The following SPIDR variants were observed in gnomAD, a reference collection of about 807,000 sequenced individuals.
The protein encoded by SPIDR is DNA repair-scaffolding protein.
SPIDR carries 93 observed loss-of-function variants against 104.6 expected under a neutral mutation model. That is an observed-to-expected ratio of 0.89 (90% confidence interval 0.75 to 1.06). The LOEUF (loss-of-function observed/expected upper bound fraction) is 1.06, where lower values mean the gene tolerates loss of function less well. Among genes scored for constraint, SPIDR ranks in the 50% least tolerant of loss-of-function variants. SPIDR has a pLI of 0.00. For synonymous variants in SPIDR, 431 were observed against 416.9 expected, an observed-to-expected ratio of 1.03 and a Z score of -0.41; for missense variants, 1,154 against 1,111.2, an observed-to-expected ratio of 1.04 and a Z score of -0.55.
At chr8:47,347,431 T>G (rs187108916) in intron 5 of SPIDR, among the ~76,000 whole-genome samples, 4,776 of 152,252 alleles carry the variant, frequency 0.031, 210 homozygotes, top group African/African-American at 0.1. Context: ...CTGTTGATTT[T>G]GGGTGGAGAG....
chr8:47,622,920 C>T (rs981848026), intron 10 of SPIDR, among the ~76,000 whole-genome samples: 2 of 152,070 alleles, frequency 1.3e-5, no homozygotes, highest in African/African-American at 4.8e-5. Context: ...AGTAGAAAAA[C>T]ACTTGTGAGT....
chr8:47,278,398 C>T (rs2037031430), intron 1 of SPIDR, among the ~76,000 whole-genome samples: 2 of 151,684 alleles, frequency 1.3e-5, no homozygotes, highest in East Asian at 1.9e-4. Context: ...TGGCTCACTG[C>T]AGCCTTGACC....
intron 7 of SPIDR, among the ~76,000 whole-genome samples, chr8:47,433,418 C>T (rs1207019720): frequency 6.6e-6 from 1 of 152,212 alleles, no homozygotes; most frequent in African/African-American, 2.4e-5. Context: ...AGACCTGTTT[C>T]TTCCCTGCTT....
chr8:47,444,649 A>G (rs2070202499), intron 8 of SPIDR, among the ~76,000 whole-genome samples: 1 of 152,212 alleles, frequency 6.6e-6, no homozygotes, highest in Admixed American at 6.5e-5. Flanking sequence ...ATTTATCATT[A>G]TACCTCCCTT....
intron 11 of SPIDR, among the ~76,000 whole-genome samples, chr8:47,687,105 T>C (rs2077925734): frequency 6.6e-6 from 1 of 152,208 alleles, no homozygotes; most frequent in African/African-American, 2.4e-5. Flanking sequence ...TACTTCTCTT[T>C]CTCAAGCCAC....
chr8:47,440,672 C>A, intron 8 of SPIDR, 130 bp downstream of exon 8: 1 of 887,204 alleles, frequency 1.1e-6, no homozygotes, highest in Non-Finnish European at 1.7e-6. Flanking sequence ...CAGGATTGGA[C>A]GTGGGTTTTC....
intron 7 of SPIDR, among the ~76,000 whole-genome samples, chr8:47,421,136 G>C (rs1231318440): frequency 1.3e-5 from 2 of 152,050 alleles, no homozygotes; most frequent in Non-Finnish European, 2.9e-5. Context: ...CTCTGTATTT[G>C]CTGAATCTGA....
At chr8:47,353,830 C>T (rs956578410) in intron 5 of SPIDR, among the ~76,000 whole-genome samples, 1 of 151,790 alleles carries the variant, frequency 6.6e-6, no homozygotes, top group African/African-American at 2.4e-5. Flanking sequence ...GGGTCAAGTT[C>T]ATTCACATAA....
At position 47,279,710 on chromosome 8, in the gene SPIDR, C is replaced by G. The variant is rs1254574955; in HGVS notation, c.34-152C>G. 37 of 695,480 alleles carry G rather than the reference C, an allele frequency of 5.3e-5. No individual in the cohort carries two copies. The Admixed American group carries it at 8.2e-4, about 15-fold the overall frequency. 43.1% of individuals were successfully genotyped at this position (695,480 alleles called of 1,614,324 possible). ...TTTTTGGCTTTGCTGTCCGGTTGCT[C>G]TTTATGTGAAGATTTAGAGACATTC... On this transcript the variant is annotated intron_variant, in intron 1 of 19. Transcript: ENST00000297423.
chr8:47,372,117 A>G (rs1554639429), intron 5 of SPIDR, among the ~76,000 whole-genome samples: 1 of 152,166 alleles, frequency 6.6e-6, no homozygotes, highest in Non-Finnish European at 1.5e-5. Flanking sequence ...AAGTCCACCC[A>G]TGTCCCTGAT....
intron 10 of SPIDR, among the ~76,000 whole-genome samples, chr8:47,667,051 C>T (rs1330477424): frequency 6.6e-6 from 1 of 152,094 alleles, no homozygotes; most frequent in Non-Finnish European, 1.5e-5. Context: ...GAGGCCAAGG[C>T]AGGCAGATGA....
chr8:47,429,408 C>T (rs7834901), intron 7 of SPIDR, among the ~76,000 whole-genome samples: 17,147 of 152,136 alleles, frequency 0.11, 1,388 homozygotes, highest in African/African-American at 0.23. Context: ...GGGTCAAAGC[C>T]GTGGCTTTCA....
chr8:47,511,013 C>T lies in SPIDR; in HGVS notation c.1097+70471C>T. The stretch of plus-strand genomic sequence containing the variant: ...GCTGTGAGAAACACAGGAGAGAGGC[C>T]AGGCAGCTGCCTGGGCAGTTAGGTT... On this transcript the variant is annotated intron_variant, in intron 8 of 19. Coordinates refer to ENST00000297423, the MANE Select transcript of SPIDR (RefSeq NM_001080394.4). 3 of 738,108 alleles carry T rather than the reference C, an allele frequency of 4.1e-6. No homozygotes were observed. The South Asian group carries it at 4.5e-5, about 11-fold the overall frequency. 45.7% of individuals were successfully genotyped at this position (738,108 alleles called of 1,614,324 possible). A position where few individuals can be genotyped will look rare whatever the true frequency, so the allele number is the denominator to read the frequency against.
intron 1 of SPIDR, among the ~76,000 whole-genome samples, chr8:47,269,924 T>G (rs1439025942): frequency 6.6e-6 from 1 of 152,188 alleles, no homozygotes; most frequent in Non-Finnish European, 1.5e-5. Flanking sequence ...AATACTGTGG[T>G]TTTTATCCTT....
At chr8:47,304,872 G>A (rs1371606955) in intron 5 of SPIDR, among the ~76,000 whole-genome samples, 6 of 152,342 alleles carry the variant, frequency 3.9e-5, no homozygotes, top group African/African-American at 1.4e-4. Context: ...TTGCCCTCAT[G>A]AATAGATTAA....
chr8:47,326,069 C>T (rs1366339288), intron 5 of SPIDR, among the ~76,000 whole-genome samples: 2 of 152,200 alleles, frequency 1.3e-5, no homozygotes, highest in Non-Finnish European at 2.9e-5. Flanking sequence ...TCACAGCTCA[C>T]TGCAGCCTCC....
At chr8:47,427,273 C>T (rs73676338) in intron 7 of SPIDR, among the ~76,000 whole-genome samples, 1,900 of 147,466 alleles carry the variant, frequency 0.013, 44 homozygotes, top group African/African-American at 0.045. Flanking sequence ...AAGCAGTTAA[C>T]AAGGATTACC....
chr8:47,331,756 C>CT (rs2048703775), intron 5 of SPIDR, among the ~76,000 whole-genome samples: 1 of 151,988 alleles, frequency 6.6e-6, no homozygotes, highest in African/African-American at 2.4e-5. Flanking sequence ...ACTTCTTCTT[C>CT]ATTTTTTTCA....
At chr8:47,306,419 G>A (rs1048849881) in intron 5 of SPIDR, among the ~76,000 whole-genome samples, 12 of 152,268 alleles carry the variant, frequency 7.9e-5, no homozygotes, top group African/African-American at 2.9e-4. Context: ...GGGGTTACAG[G>A]CATGAGCCAC....
Sources: allele counts gnomAD v4.1 joint callset (sites outside exome capture counted in the v4.1 genomes callset), GRCh38; gene constraint gnomAD v4.1.1; transcripts MANE v1.5; gene names NCBI Gene and HGNC (gene_info 2026-07-23, HGNC 2026-07-21).